MCTP1: variants seen among roughly 807,000 people sequenced by gnomAD.
MCTP1 encodes the protein multiple C2 and transmembrane domain-containing protein 1.
Under a neutral mutation model 120.6 loss-of-function variants are expected in MCTP1, and 69 were observed. The observed-to-expected ratio is 0.57, with a 90% CI of 0.47 to 0.70. The LOEUF (loss-of-function observed/expected upper bound fraction) is 0.70. MCTP1 is among the 30% of genes least tolerant of loss of function. The pLI, the probability that MCTP1 is intolerant of heterozygous loss-of-function variation, is 0.00. For synonymous variants in MCTP1, 529 were observed against 493.1 expected, an observed-to-expected ratio of 1.07 and a Z score of -0.96; for missense variants, 1,203 against 1,248.8, an observed-to-expected ratio of 0.96 and a Z score of 0.55.
chr5:94,790,687 T>C (rs1309442013), intron 18 of MCTP1, among the ~76,000 whole-genome samples: 1 of 152,106 alleles, frequency 6.6e-6, no homozygotes, highest in Non-Finnish European at 1.5e-5. Context: ...CTCAGAGGTG[T>C]GGGCTCACTT....
At chr5:94,934,699 A>G in intron 5 of MCTP1, among the ~76,000 whole-genome samples, 1 of 150,986 alleles carries the variant, frequency 6.6e-6, no homozygotes, top group Non-Finnish European at 1.5e-5. Context: ...GCTGTGTAAT[A>G]ATTCTGAAGA....
chr5:95,177,614 A>G (rs967247793), intron 1 of MCTP1, among the ~76,000 whole-genome samples: 4 of 152,244 alleles, frequency 2.6e-5, no homozygotes, highest in Admixed American at 6.5e-5. Flanking sequence ...GCATGAGCTG[A>G]ATAACAGACA....
intron 17 of MCTP1, among the ~76,000 whole-genome samples, chr5:94,818,683 T>C (rs1422617412): frequency 6.6e-6 from 1 of 152,226 alleles, no homozygotes; most frequent in Admixed American, 6.5e-5. Context: ...GTAGAAACTT[T>C]AATGAAGGAA....
chr5:95,058,144 G>A (rs1443921841), intron 1 of MCTP1, among the ~76,000 whole-genome samples: 2 of 152,038 alleles, frequency 1.3e-5, no homozygotes, highest in African/African-American at 2.4e-5. Flanking sequence ...CTGATGCTTC[G>A]GCTCGTTGCT....
chr5:95,269,938 T>TC (rs1278935545), intron 1 of MCTP1, among the ~76,000 whole-genome samples: 9 of 152,158 alleles, frequency 5.9e-5, no homozygotes, highest in Non-Finnish European at 1.3e-4. Flanking sequence ...ATAGAATGCC[T>TC]AAGAGATAGA....
intron 1 of MCTP1, among the ~76,000 whole-genome samples, chr5:95,071,217 G>C (rs1197893738): frequency 6.6e-6 from 1 of 152,202 alleles, no homozygotes; most frequent in Non-Finnish European, 1.5e-5. Flanking sequence ...TATGACACCA[G>C]ATCCGGAGCC....
chr5:95,027,726 C>T (rs1042209808), intron 1 of MCTP1, among the ~76,000 whole-genome samples: 30 of 152,284 alleles, frequency 2.0e-4, no homozygotes, highest in African/African-American at 6.7e-4. Context: ...TCCACTGCTC[C>T]GTACTCTTGA....
chr5:94,735,128 C>T (rs1035273060), intron 19 of MCTP1, among the ~76,000 whole-genome samples: 1 of 152,082 alleles, frequency 6.6e-6, no homozygotes, highest in Non-Finnish European at 1.5e-5. Flanking sequence ...ACTGCCAAAT[C>T]GCCTTCCAAA....
chr5:94,777,846 T>C (rs947711279), intron 19 of MCTP1, among the ~76,000 whole-genome samples: 1 of 152,032 alleles, frequency 6.6e-6, no homozygotes, highest in East Asian at 1.9e-4. Flanking sequence ...AATGACTAAA[T>C]GATGTACAGA....
chr5:94,802,189 GA>G (rs527463009), intron 17 of MCTP1, among the ~76,000 whole-genome samples: 2 of 151,966 alleles, frequency 1.3e-5, no homozygotes, highest in Non-Finnish European at 2.9e-5. Flanking sequence ...TCCTACTATT[GA>G]AAAAATATAT....
chr5:94,727,813 C>G (rs996694947), intron 19 of MCTP1, among the ~76,000 whole-genome samples: 3 of 152,222 alleles, frequency 2.0e-5, no homozygotes, highest in Non-Finnish European at 2.9e-5. Flanking sequence ...TCATCCACCA[C>G]TTTCAGACCT....
chr5:95,231,886 A>G lies in MCTP1; in HGVS notation c.720+51970T>C, dbSNP rs146854707. The stretch of plus-strand genomic sequence containing the variant: ...TATATTACACATGAAGGGATATAGT[A>G]CTTGAAAGTAGACTTTGATGGGATA... On this transcript the variant is annotated intron_variant, in intron 1 of 22. Transcript: ENST00000515393. 5.9e-5 allele frequency among the ~76,000 whole-genome samples: 9 copies of G among 152,332 alleles called. No homozygotes were observed. In the East Asian group the frequency reaches 1.7e-3, roughly 29 times the overall value.
At chr5:95,144,499 G>A (rs1760208836) in intron 1 of MCTP1, among the ~76,000 whole-genome samples, 1 of 151,922 alleles carries the variant, frequency 6.6e-6, no homozygotes, top group South Asian at 2.1e-4. Flanking sequence ...GTTAAGAAGA[G>A]TATTTTCGGC....
intron 13 of MCTP1, 65 bp downstream of exon 13, chr5:94,873,074 A>ACC: frequency 2.1e-6 from 2 of 935,622 alleles, no homozygotes; most frequent in South Asian, 2.7e-5. Flanking sequence ...TTTTTTTAAA[A>ACC]CCCTCAAAAA....
intron 19 of MCTP1, among the ~76,000 whole-genome samples, chr5:94,772,210 C>T (rs1385745293): frequency 6.6e-6 from 1 of 152,112 alleles, no homozygotes; most frequent in Non-Finnish European, 1.5e-5. Context: ...ACTTCTTGCC[C>T]TTGTAGACCG....
At chr5:95,178,054 G>C (rs1748211649) in intron 1 of MCTP1, among the ~76,000 whole-genome samples, 1 of 152,156 alleles carries the variant, frequency 6.6e-6, no homozygotes, top group Non-Finnish European at 1.5e-5. Flanking sequence ...TGTGGGAACT[G>C]GGTGAGGCCT....
At chr5:94,903,827 A>C (rs1253605848) in intron 10 of MCTP1, among the ~76,000 whole-genome samples, 1 of 152,172 alleles carries the variant, frequency 6.6e-6, no homozygotes, top group Non-Finnish European at 1.5e-5. Flanking sequence ...ATTGCAAATA[A>C]CTCCAACTGA....
intron 1 of MCTP1, among the ~76,000 whole-genome samples, chr5:95,282,677 T>A (rs1224205229): frequency 6.6e-6 from 1 of 152,208 alleles, no homozygotes; most frequent in African/African-American, 2.4e-5. Flanking sequence ...GAATAAAATA[T>A]TTTTCTGGAT....
intron 1 of MCTP1, among the ~76,000 whole-genome samples, chr5:95,241,235 G>T (rs1246710830): frequency 1.3e-5 from 2 of 152,066 alleles, no homozygotes. Flanking sequence ...ATCCATGTGG[G>T]AAATGTGCAT....
Sources: allele counts gnomAD v4.1 joint callset (sites outside exome capture counted in the v4.1 genomes callset), GRCh38; gene constraint gnomAD v4.1.1; transcripts MANE v1.5; gene names NCBI Gene and HGNC (gene_info 2026-07-23, HGNC 2026-07-21).